The following PIP4K2A variants were observed in gnomAD, a reference collection of about 807,000 sequenced individuals.
The protein encoded by PIP4K2A is phosphatidylinositol 5-phosphate 4-kinase type-2 alpha.
PIP4K2A carries 14 observed loss-of-function variants against 42.9 expected under a neutral mutation model. The ratio of observed to expected loss-of-function variants is 0.33; its 90% confidence interval spans 0.22 to 0.51. PIP4K2A has a LOEUF of 0.51. Ranked by LOEUF, PIP4K2A falls within the 20% of genes least tolerant of loss-of-function variation. The pLI is 0.97. For missense variants in PIP4K2A, 434 were observed against 519.8 expected (o/e 0.83, Z 1.61); for synonymous variants, 192 against 192.2 (o/e 1.00, Z 0.01).
chr10:22,565,602 T>C (rs185190163), intron 6 of PIP4K2A, among the ~76,000 whole-genome samples: 3 of 152,288 alleles, frequency 2.0e-5, no homozygotes, highest in Admixed American at 2.0e-4. Context: ...TTGTACAGCA[T>C]GTGTGTTTGA....
At chr10:22,624,643 A>T (rs1158050934) in intron 1 of PIP4K2A, among the ~76,000 whole-genome samples, 1 of 152,192 alleles carries the variant, frequency 6.6e-6, no homozygotes, top group Non-Finnish European at 1.5e-5. Flanking sequence ...GGACCTTTGC[A>T]GGGGTCAGAG....
At chr10:22,674,301 C>A (rs545254670) in intron 1 of PIP4K2A, among the ~76,000 whole-genome samples, 14 of 149,852 alleles carry the variant, frequency 9.3e-5, no homozygotes, top group Admixed American at 8.1e-4. Flanking sequence ...GTATCATGTT[C>A]TTTTGGTGAA....
At chr10:22,547,913 C>G (rs1356761657) in intron 7 of PIP4K2A, among the ~76,000 whole-genome samples, 1 of 152,210 alleles carries the variant, frequency 6.6e-6, no homozygotes, top group African/African-American at 2.4e-5. Flanking sequence ...TACAGAAAAA[C>G]AGCAACTAGA....
chr10:22,607,885 AC>A (rs767204421), intron 3 of PIP4K2A, 41 bp downstream of exon 3: 2 of 1,282,864 alleles, frequency 1.6e-6, no homozygotes, highest in South Asian at 2.4e-5. Context: ...TCATGGCAAA[AC>A]CCATTTCCTA....
intron 9 of PIP4K2A, among the ~76,000 whole-genome samples, chr10:22,538,626 A>C (rs1238515879): frequency 2.6e-5 from 4 of 152,206 alleles, no homozygotes; most frequent in Non-Finnish European, 5.9e-5. Context: ...ACCAGAGGTG[A>C]GCATCAGAAT....
intron 7 of PIP4K2A, among the ~76,000 whole-genome samples, chr10:22,543,585 T>C (rs1836183357): frequency 6.6e-6 from 1 of 152,114 alleles, no homozygotes; most frequent in Non-Finnish European, 1.5e-5. Flanking sequence ...ACAGTAAACA[T>C]GAGAACTGAC....
chr10:22,702,221 TGAA>T (rs1833728254), intron 1 of PIP4K2A, among the ~76,000 whole-genome samples: 2 of 152,144 alleles, frequency 1.3e-5, no homozygotes, highest in South Asian at 4.1e-4. Context: ...CAAGGCACCA[TGAA>T]GAAGAACCAG....
At chr10:22,588,281 G>A (rs1007014973) in intron 4 of PIP4K2A, among the ~76,000 whole-genome samples, 13 of 152,022 alleles carry the variant, frequency 8.6e-5, no homozygotes, top group African/African-American at 3.1e-4. Flanking sequence ...CAGCCTATAC[G>A]GACAATTTTT....
intron 1 of PIP4K2A, among the ~76,000 whole-genome samples, chr10:22,670,055 C>T (rs1378224113): frequency 6.6e-6 from 1 of 152,150 alleles, no homozygotes; most frequent in Non-Finnish European, 1.5e-5. Context: ...AATCATACCA[C>T]ATGTAATTTA....
At chr10:22,539,129 A>C (rs1345854490) in intron 9 of PIP4K2A, among the ~76,000 whole-genome samples, 1 of 152,164 alleles carries the variant, frequency 6.6e-6, no homozygotes, top group Non-Finnish European at 1.5e-5. Flanking sequence ...CGAGCTGTAA[A>C]GTTCAGCCAG....
intron 3 of PIP4K2A, among the ~76,000 whole-genome samples, chr10:22,599,219 A>ATGT (rs1200697796): frequency 3.3e-5 from 5 of 152,236 alleles, no homozygotes; most frequent in Non-Finnish European, 7.3e-5. Context: ...ACAGTTTTTA[A>ATGT]TGTTTTCACC....
intron 6 of PIP4K2A, among the ~76,000 whole-genome samples, chr10:22,563,679 C>A (rs927012062): frequency 2.0e-5 from 3 of 152,152 alleles, no homozygotes; most frequent in African/African-American, 7.2e-5. Flanking sequence ...TAGAAATGTG[C>A]GCTCTGGGGC....
At chr10:22,548,700 G>C (rs888079509) in intron 7 of PIP4K2A, among the ~76,000 whole-genome samples, 2 of 152,140 alleles carry the variant, frequency 1.3e-5, no homozygotes, top group Non-Finnish European at 2.9e-5. Flanking sequence ...AAGACTGGAG[G>C]AAAATGTTAG....
chr10:22,671,734 T>A lies in PIP4K2A; in HGVS notation c.144+42449A>T, dbSNP rs180842131. 3.7e-3 allele frequency among the ~76,000 whole-genome samples: 503 copies of A among 134,414 alleles called. 4 individuals carry two copies. The highest frequency in any genetic ancestry group is 0.016 in the African/African-American group (474 of 30,074). The allele number at this position is 134,414 out of a possible 152,430, so 88.2% of individuals were successfully genotyped here. A position where few individuals can be genotyped will look rare whatever the true frequency, so the allele number is the denominator to read the frequency against. ...TATTAATTGCCTGAATTTTCTGATT[T>A]ACTTGGAAAATACACACACACACAC... On this transcript the variant is annotated intron_variant, in intron 1 of 9. Coordinates refer to ENST00000376573, the MANE Select transcript of PIP4K2A (RefSeq NM_005028.5).
intron 1 of PIP4K2A, among the ~76,000 whole-genome samples, chr10:22,619,030 T>TG (rs1838251450): frequency 6.6e-6 from 1 of 152,238 alleles, no homozygotes; most frequent in African/African-American, 2.4e-5. Context: ...ATTTTTAATC[T>TG]GATTTTCACT....
chr10:22,714,213 G>A lies in PIP4K2A; in HGVS notation c.114C>T (p.Leu38=). ...VKLFRASDPL[L]SVLMWGVNHS... is the part of the protein sequence containing the mutation. ...GGTTTACCCCCCACATGAGGACGCT[G>A]AGCAGCGGGTCGCTGGCCCGAAACA... The change falls in exon 1 of 10, where the codon CTC becomes CTT. Residue 38 remains leucine (L), a synonymous_variant. Transcript: ENST00000376573. 3 of 1,611,848 alleles carry A rather than the reference G, an allele frequency of 1.9e-6. No homozygotes were observed. Among genetic ancestry groups the A allele is most frequent in the East Asian group, 2.2e-5 (1 of 44,556 alleles).
At chr10:22,577,643 T>C (rs1028117225) in intron 4 of PIP4K2A, among the ~76,000 whole-genome samples, 2 of 152,110 alleles carry the variant, frequency 1.3e-5, no homozygotes, top group Admixed American at 1.3e-4. Flanking sequence ...GCAACACAAA[T>C]AGGCAAAGAC....
At chr10:22,664,155 A>ATG (rs1491372640) in intron 1 of PIP4K2A, among the ~76,000 whole-genome samples, 1 of 6,176 alleles carries the variant, frequency 1.6e-4, no homozygotes, top group Non-Finnish European at 3.5e-4. Flanking sequence ...ATATATACAC[A>ATG]TATATATATA....
intron 5 of PIP4K2A, chr10:22,568,992 C>T (rs1182875269): frequency 6.6e-7 from 1 of 1,523,094 alleles, no homozygotes; most frequent in Non-Finnish European, 8.8e-7. Context: ...CTTGAGTTAG[C>T]CATTCATTAA....
Sources: allele counts gnomAD v4.1 joint callset (sites outside exome capture counted in the v4.1 genomes callset), GRCh38; gene constraint gnomAD v4.1.1; transcripts MANE v1.5; gene names NCBI Gene and HGNC (gene_info 2026-07-23, HGNC 2026-07-21).